The following CDK17 variants were observed in gnomAD, a reference collection of about 807,000 sequenced individuals.
CDK17 encodes cyclin dependent kinase 17.
CDK17 carries 24 observed loss-of-function variants against 77.6 expected under a neutral mutation model. The ratio of observed to expected loss-of-function variants is 0.31; its 90% CI spans 0.22 to 0.44. The LOEUF (loss-of-function observed/expected upper bound fraction) is 0.44. Ranked by LOEUF, CDK17 falls within the 20% of genes least tolerant of loss-of-function variation. The probability of loss-of-function intolerance (pLI) is 1.00; values close to 1 mark genes in which losing one functional copy is unlikely to be tolerated. For missense variants in CDK17, 429 were observed against 622.5 expected, an observed-to-expected ratio of 0.69 and a Z score of 3.31; for synonymous variants, 203 against 210.4, an observed-to-expected ratio of 0.96 and a Z score of 0.30.
chr12:96,282,250 A>G (rs534269945), intron 15 of CDK17: 34 of 324,192 alleles, frequency 1.0e-4, no homozygotes, highest in Non-Finnish European at 1.8e-4. Flanking sequence ...TGTTTCAACT[A>G]AAGTCCAATA....
chr12:96,300,239 A>G, intron 6 of CDK17, 65 bp downstream of exon 6: 1 of 1,035,578 alleles, frequency 9.7e-7, no homozygotes, highest in Non-Finnish European at 1.5e-6. Flanking sequence ...AAAACCGTGG[A>G]GTAACAGAGT....
At chr12:96,308,082 A>C (rs1442844429) in intron 5 of CDK17, among the ~76,000 whole-genome samples, 1 of 152,062 alleles carries the variant, frequency 6.6e-6, no homozygotes, top group Non-Finnish European at 1.5e-5. Flanking sequence ...AGACTATCTA[A>C]CTAGAATATC....
In CDK17 at chr12:96,280,296, T is replaced by C; in HGVS notation, c.1535-17A>G. ...TCCCATGTCCTAAAATATAAAGTCA[T>C]TTTATGAGGCAGTTCAAGGTTCAGT... On this transcript the variant is annotated splice_polypyrimidine_tract_variant and intron_variant, in intron 16 of 16. Coordinates refer to ENST00000261211, the MANE Select transcript of CDK17 (RefSeq NM_002595.5). 3 of 1,550,516 alleles carry C rather than the reference T, an allele frequency of 1.9e-6. No individual in the cohort carries two copies. The highest frequency in any genetic ancestry group is 1.2e-5 in the South Asian group (1 of 83,842).
At chr12:96,316,718 G>C (rs1371322348) in intron 3 of CDK17, among the ~76,000 whole-genome samples, 1 of 125,402 alleles carries the variant, frequency 8.0e-6, no homozygotes, top group African/African-American at 3.0e-5. Flanking sequence ...ACACGGCAGG[G>C]TATTCCAACA....
intron 10 of CDK17, among the ~76,000 whole-genome samples, chr12:96,290,855 G>A (rs1952315376): frequency 6.6e-6 from 1 of 152,158 alleles, no homozygotes; most frequent in Admixed American, 6.5e-5. Context: ...TGGCCTTCTA[G>A]TTCACAATTA....
At chr12:96,342,726 A>G (rs1436602157) in intron 1 of CDK17, among the ~76,000 whole-genome samples, 1 of 152,148 alleles carries the variant, frequency 6.6e-6, no homozygotes, top group African/African-American at 2.4e-5. Flanking sequence ...GCAATTTGGG[A>G]GGCCAAGGCA....
intron 10 of CDK17, among the ~76,000 whole-genome samples, chr12:96,289,863 A>G (rs1311129491): frequency 6.6e-6 from 1 of 152,218 alleles, no homozygotes; most frequent in African/African-American, 2.4e-5. Flanking sequence ...GTTGTAAGTT[A>G]CATGGATCAT....
At chr12:96,323,279 A>C (rs963650596) in intron 3 of CDK17, among the ~76,000 whole-genome samples, 10 of 132,876 alleles carry the variant, frequency 7.5e-5, no homozygotes, top group Non-Finnish European at 1.1e-4. Context: ...AAAAAAAAAA[A>C]AAAAACAAAA....
intron 1 of CDK17, among the ~76,000 whole-genome samples, chr12:96,396,743 A>C (rs532062290): frequency 4.6e-5 from 7 of 152,326 alleles, no homozygotes; most frequent in Non-Finnish European, 1.0e-4. Context: ...TAAAGTAATT[A>C]TCCATCCTGA....
chr12:96,379,821 A>AAATGGC, intron 1 of CDK17, among the ~76,000 whole-genome samples: 1 of 152,296 alleles, frequency 6.6e-6, no homozygotes, highest in Non-Finnish European at 1.5e-5. Context: ...CGGAAGATAA[A>AAATGGC]AATGGCAGAG....
rs574873979 is a variant in CDK17 at position 96,385,295 on chromosome 12, C to T, written c.-30+14691G>A. Among the ~76,000 whole-genome samples the T allele has an allele frequency of 2.0e-5, 3 of 152,114 alleles. No individual in the cohort carries two copies. In the South Asian group the frequency reaches 6.2e-4, roughly 32 times the overall value. Reference sequence around the variant, plus strand: ...CGCCACTGCACTCCAGCCTGGGCGACAGAGTGAGACTCTGTCTCAAAAAAC... The same window carrying T: ...CGCCACTGCACTCCAGCCTGGGCGATAGAGTGAGACTCTGTCTCAAAAAAC... On this transcript the variant is annotated intron_variant, in intron 1 of 16. Transcript: ENST00000261211.
intron 1 of CDK17, among the ~76,000 whole-genome samples, chr12:96,338,018 TG>T (rs1459247981): frequency 6.6e-6 from 1 of 152,218 alleles, no homozygotes; most frequent in African/African-American, 2.4e-5. Context: ...ATATGAATTA[TG>T]GTTAATGCTT....
intron 1 of CDK17, among the ~76,000 whole-genome samples, chr12:96,362,146 T>C (rs1953502015): frequency 6.6e-6 from 1 of 152,194 alleles, no homozygotes; most frequent in Non-Finnish European, 1.5e-5. Flanking sequence ...CATGTGTCCT[T>C]TCATGGACTT....
chr12:96,384,041 C>T (rs540027532), intron 1 of CDK17, among the ~76,000 whole-genome samples: 82 of 151,120 alleles, frequency 5.4e-4, no homozygotes, highest in African/African-American at 1.5e-3. Context: ...AGAATCCATA[C>T]GGAACTTAAA....
chr12:96,329,615 T>G (rs181434692), intron 2 of CDK17, among the ~76,000 whole-genome samples: 89 of 152,228 alleles, frequency 5.8e-4, no homozygotes, highest in Non-Finnish European at 1.1e-3. Context: ...TCCAATGGAG[T>G]TTATGCCTTC....
At chr12:96,334,250 T>C (rs1953010466) in intron 2 of CDK17, among the ~76,000 whole-genome samples, 2 of 152,238 alleles carry the variant, frequency 1.3e-5, no homozygotes, top group Admixed American at 1.3e-4. Context: ...AAGCTCTTTT[T>C]ATTTTAACAT....
intron 1 of CDK17, among the ~76,000 whole-genome samples, chr12:96,338,081 G>C (rs1953070939): frequency 6.6e-6 from 1 of 152,114 alleles, no homozygotes; most frequent in South Asian, 2.1e-4. Flanking sequence ...TGATTTCTTA[G>C]GTGAGGAAGG....
chr12:96,305,414 T>C (rs1198372171), intron 5 of CDK17, among the ~76,000 whole-genome samples: 1 of 152,220 alleles, frequency 6.6e-6, no homozygotes, highest in Admixed American at 6.5e-5. Flanking sequence ...AAAATGTTAA[T>C]AATATGGTAA....
intron 1 of CDK17, among the ~76,000 whole-genome samples, chr12:96,362,674 A>G (rs981616121): frequency 1.6e-4 from 24 of 152,206 alleles, no homozygotes; most frequent in Admixed American, 1.6e-3. Context: ...CTTTTAAGCA[A>G]CCTTCAAAAA....
Sources: gnomAD v4.1 joint callset for allele counts (sites outside exome capture counted in the v4.1 genomes callset) on GRCh38, gnomAD v4.1.1 for gene constraint, MANE v1.5 for transcripts, NCBI Gene and HGNC (gene_info 2026-07-23, HGNC 2026-07-21) for gene names.